LCA5: variants seen among roughly 807,000 people sequenced by gnomAD.
The protein encoded by LCA5 is lebercilin LCA5.
Under a neutral mutation model 53.0 loss-of-function variants are expected in LCA5, and 37 were observed. The observed-to-expected ratio is 0.70, with a 90% CI of 0.54 to 0.92. The LOEUF is 0.92. Among genes scored for constraint, LCA5 ranks in the 40% least tolerant of loss-of-function variants. The pLI, the probability that LCA5 is intolerant of heterozygous loss-of-function variation, is 0.00. For synonymous variants in LCA5, 303 were observed against 282.9 expected, an observed-to-expected ratio of 1.07 and a Z score of -0.71; for missense variants, 806 against 790.5, an observed-to-expected ratio of 1.02 and a Z score of -0.23.
At chr6:79,512,703 GA>G (rs2127679478) in intron 3 of LCA5, among the ~76,000 whole-genome samples, 1 of 152,184 alleles carries the variant, frequency 6.6e-6, no homozygotes, top group East Asian at 1.9e-4. Flanking sequence ...ATTCAGGAAA[GA>G]AATACTTTTA....
In LCA5 at chr6:79,535,283, GC is replaced by G. The variant is rs201844928; in HGVS notation, c.-192+1881del. ...ATTAATAAGTTGGTTGGAAACCAAGGCTCTTCAGTAGGGTTAATATTATCAG... is the reference window on the plus strand; with the variant it reads ...ATTAATAAGTTGGTTGGAAACCAAGGTCTTCAGTAGGGTTAATATTATCAG... On this transcript the variant is annotated intron_variant, in intron 1 of 7. Transcript: ENST00000369846. 4.4e-3 allele frequency among the ~76,000 whole-genome samples: 669 copies of G among 152,110 alleles called. 9 individuals carry two copies. Among genetic ancestry groups the G allele is most frequent in the African/African-American group, 0.015 (632 of 41,522 alleles).
Position 79,522,674 on chromosome 6 carries a change from A to G in LCA5, c.-191-3589T>C, listed in dbSNP as rs1266443769. Among the ~76,000 whole-genome samples, 4 of 152,144 alleles carry G rather than the reference A, an allele frequency of 2.6e-5. No homozygotes were observed. In the East Asian group the frequency reaches 5.8e-4, roughly 22 times the overall value. ...TAAATTGTATTAAAAAATTATAATC[A>G]AGAAAATTTAAACACTATTTATTGT... On this transcript the variant is annotated intron_variant, in intron 1 of 7. Transcript: ENST00000369846.
At chr6:79,536,009 T>C (rs1334478333) in intron 1 of LCA5, among the ~76,000 whole-genome samples, 1 of 152,208 alleles carries the variant, frequency 6.6e-6, no homozygotes, top group Non-Finnish European at 1.5e-5. Flanking sequence ...ACGGAAGAGA[T>C]GTGACTCACA....
chr6:79,502,695 T>A (rs1770174673), intron 3 of LCA5, among the ~76,000 whole-genome samples: 1 of 152,130 alleles, frequency 6.6e-6, no homozygotes, highest in Admixed American at 6.5e-5. Context: ...CTGCTGTCAT[T>A]TAAAACTATG....
At chr6:79,496,805 GT>G (rs1582622295) in intron 3 of LCA5, among the ~76,000 whole-genome samples, 1 of 152,018 alleles carries the variant, frequency 6.6e-6, no homozygotes, top group East Asian at 1.9e-4. Flanking sequence ...CAATTTCAAG[GT>G]TTTGAAAAAC....
intron 3 of LCA5, among the ~76,000 whole-genome samples, chr6:79,510,883 T>C (rs9448734): frequency 1.3e-5 from 2 of 152,056 alleles, no homozygotes; most frequent in African/African-American, 4.8e-5. Flanking sequence ...TGCATACCTA[T>C]CAAGATGGCT....
rs532500940 is a variant in LCA5, at chr6:79,487,503, G to A, written c.1595C>T (p.Pro532Leu). 1.2e-6 allele frequency: 2 copies of A among 1,613,982 alleles called. No homozygotes were observed. Among genetic ancestry groups the A allele is most frequent in the Non-Finnish European group, 8.5e-7 (1 of 1,179,924 alleles). ...TCCTGAATTCTGACCTTCTCCTTTT[G>A]GAGTTGAGAAACTGATGTCTTGCAA... ...HHLQDISFST[P>L]KGEGQNSGNV... Residue 532 changes from proline to leucine, a missense_variant, in exon 8 of 8, where the codon CCA becomes CTA. Physicochemically the swap from Pro to Leu is moderately conservative, Grantham distance 98 (BLOSUM62 -3). Transcript: ENST00000369846.
intron 1 of LCA5, among the ~76,000 whole-genome samples, chr6:79,532,631 C>T (rs1766990015): frequency 6.6e-6 from 1 of 152,256 alleles, no homozygotes; most frequent in Non-Finnish European, 1.5e-5. Flanking sequence ...AAAAGTGGTT[C>T]CTTCTCTTCT....
rs1769669108 is a variant in LCA5, at chr6:79,486,816, T to G, written c.*188A>C. The stretch of plus-strand genomic sequence containing the variant: ...TTTGGTTTCATTCAAAAAAGCCTCC[T>G]TCATTCTTGGCAAACTATCTATGTG... On this transcript the variant is annotated 3_prime_UTR_variant, in exon 8 of 8. Transcript: ENST00000369846. 1 of 497,996 alleles carries G rather than the reference T, an allele frequency of 2.0e-6. No individual in the cohort carries two copies. Among genetic ancestry groups the G allele is most frequent in the South Asian group, 4.0e-5 (1 of 25,262 alleles). 30.8% of individuals were successfully genotyped at this position (497,996 alleles called of 1,614,324 possible). A position where few individuals can be genotyped will look rare whatever the true frequency, so the allele number is the denominator to read the frequency against.
At position 79,518,906 on chromosome 6, in the gene LCA5, A is replaced by G; in HGVS notation, c.-12T>C. 1 of 1,613,480 alleles carries G rather than the reference A, an allele frequency of 6.2e-7. No homozygotes were observed. The highest frequency in any genetic ancestry group is 8.5e-7 in the Non-Finnish European group (1 of 1,179,406). On this transcript the variant is annotated 5_prime_UTR_variant, in exon 2 of 8. Coordinates refer to ENST00000369846, the MANE Select transcript of LCA5 (RefSeq NM_001122769.3). ...GCTCTTTCCCCCATTGTTTTGAAAA[A>G]TGGTCTCTATTCACATAATTTCACA... is the stretch of plus-strand genomic sequence containing the variant.
chr6:79,487,739 T>G lies in LCA5; in HGVS notation c.1359A>C (p.Lys453Asn). The G allele has an allele frequency of 6.2e-7, 1 of 1,613,982 alleles. No individual in the cohort carries two copies. The highest frequency in any genetic ancestry group is 1.1e-5 in the South Asian group (1 of 91,072). Residue 453 changes from lysine (K) to asparagine (N), a missense_variant, in exon 8 of 8, where the codon AAA (lysine) becomes AAC (asparagine). Lys to Asn is a moderately conservative substitution (Grantham distance 94). Transcript: ENST00000369846. ...GTCTTTCTTCTTCCTCTCCTTGCAA[T>G]TTATCCATATTCTGAATTGGATACA... is the stretch of plus-strand genomic sequence containing the variant. ...LGMYPIQNMDKLQGEEEERLK... is the reference protein window; with the variant it reads ...LGMYPIQNMDNLQGEEEERLK...
At chr6:79,524,001 A>G (rs1284867056) in intron 1 of LCA5, among the ~76,000 whole-genome samples, 1 of 152,144 alleles carries the variant, frequency 6.6e-6, no homozygotes, top group Non-Finnish European at 1.5e-5. Context: ...ACATGCAACC[A>G]CATGTTGGTT....
At position 79,492,615 on chromosome 6, in the gene LCA5, T is replaced by C. The variant is rs752186384; in HGVS notation, c.891A>G (p.Ile297Met). 4 of 1,555,326 alleles carry C rather than the reference T, an allele frequency of 2.6e-6. No individual in the cohort carries two copies. Among genetic ancestry groups the C allele is most frequent in the African/African-American group, 1.4e-5 (1 of 73,672 alleles). The change falls in exon 5 of 8, where the codon ATA becomes ATG. Residue 297 changes from isoleucine to methionine, a missense_variant. Transcript: ENST00000369846. ...AGGACTTTGGCAGACGATTAGAATA[T>C]ATATTTTTTATATCCAGTTCTCTCT... ...EKERELDIKN[I>M]YSNRLPKSSP... is the part of the protein sequence containing the mutation.
At chr6:79,533,983 C>T (rs1767032781) in intron 1 of LCA5, among the ~76,000 whole-genome samples, 1 of 150,890 alleles carries the variant, frequency 6.6e-6, no homozygotes, top group Non-Finnish European at 1.5e-5. Context: ...GGACATTTCT[C>T]CTCCCCGCAA....
chr6:79,529,297 A>G (rs1766884258), intron 1 of LCA5, among the ~76,000 whole-genome samples: 1 of 152,226 alleles, frequency 6.6e-6, no homozygotes, highest in Non-Finnish European at 1.5e-5. Context: ...AACCAAAGAA[A>G]GTAAATAGAA....
At chr6:79,534,572 G>A (rs1432055255) in intron 1 of LCA5, among the ~76,000 whole-genome samples, 2 of 152,088 alleles carry the variant, frequency 1.3e-5, no homozygotes, top group Non-Finnish European at 2.9e-5. Flanking sequence ...TAATGCGACA[G>A]TCTATAAGTA....
chr6:79,526,224 C>A (rs1404200921), intron 1 of LCA5, among the ~76,000 whole-genome samples: 1 of 152,064 alleles, frequency 6.6e-6, no homozygotes, highest in Non-Finnish European at 1.5e-5. Flanking sequence ...TAGCCACTGC[C>A]AGGAATGTGG....
intron 5 of LCA5, 152 bp downstream of exon 5, chr6:79,492,399 G>C: frequency 2.3e-6 from 1 of 443,206 alleles, no homozygotes; most frequent in Middle Eastern, 6.5e-4. Context: ...AAGGATTTCT[G>C]AAAATTATTA....
rs760212155 is a variant in LCA5, at chr6:79,495,472, C to T, written c.721-1722G>A. ...GAACCTGAGTATATAAAAAGTCGGG[C>T]CAGGCGCGGTGGCTCATGTCTGTAA... On this transcript the variant is annotated intron_variant, in intron 3 of 7. Coordinates refer to ENST00000369846, the MANE Select transcript of LCA5 (RefSeq NM_001122769.3). Among the ~76,000 whole-genome samples the T allele has an allele frequency of 3.3e-5, 5 of 152,020 alleles. No homozygotes were observed. The East Asian group carries it at 9.7e-4, about 29-fold the overall frequency.
Sources: allele counts gnomAD v4.1 joint callset (sites outside exome capture counted in the v4.1 genomes callset), GRCh38; gene constraint gnomAD v4.1.1; transcripts MANE v1.5; gene names NCBI Gene and HGNC (gene_info 2026-07-23, HGNC 2026-07-21).